ARHGAP15: variants seen among roughly 807,000 people sequenced by gnomAD.
ARHGAP15 encodes Rho GTPase activating protein 15.
ARHGAP15 carries 51 observed loss-of-function variants against 63.7 expected under a neutral mutation model. That is an observed-to-expected ratio of 0.80 (90% CI 0.64 to 1.01). The LOEUF (loss-of-function observed/expected upper bound fraction) is 1.01. ARHGAP15 is among the 50% of genes least tolerant of loss of function. The pLI is 0.00. For missense variants in ARHGAP15, 560 were observed against 564.6 expected (o/e 0.99, Z 0.08); for synonymous variants, 191 against 193.8 (o/e 0.99, Z 0.12).
intron 12 of ARHGAP15, among the ~76,000 whole-genome samples, chr2:143,636,490 G>C (rs866890657): frequency 6.6e-6 from 1 of 152,104 alleles, no homozygotes; most frequent in Non-Finnish European, 1.5e-5. Context: ...CTGTAAGCTT[G>C]GATTTGTGAT....
chr2:143,287,898 G>A (rs951491976), intron 6 of ARHGAP15, among the ~76,000 whole-genome samples: 1 of 152,170 alleles, frequency 6.6e-6, no homozygotes, highest in Non-Finnish European at 1.5e-5. Flanking sequence ...ACCCCTGCAG[G>A]CTATGCCTTT....
chr2:143,316,710 T>C (rs143553199), intron 6 of ARHGAP15, among the ~76,000 whole-genome samples: 181 of 151,260 alleles, frequency 1.2e-3, no homozygotes, highest in African/African-American at 4.2e-3. Flanking sequence ...CTCTGATCAA[T>C]TCTGTCTCCA....
At chr2:143,190,588 T>G (rs1019486978) in intron 2 of ARHGAP15, among the ~76,000 whole-genome samples, 2 of 152,158 alleles carry the variant, frequency 1.3e-5, no homozygotes, top group Non-Finnish European at 2.9e-5. Flanking sequence ...AGAAGCTTCC[T>G]TGTTTAATTT....
In ARHGAP15 at chr2:143,624,380, G is replaced by A. The variant is rs929956028; in HGVS notation, c.1138+113G>A. ...ATCATGGGGAACAGATAGTATCCCC[G>A]ATGCTCCATATCTTACGTTTTCGTT... On this transcript the variant is annotated intron_variant, in intron 12 of 13. Coordinates refer to ENST00000295095, the MANE Select transcript of ARHGAP15 (RefSeq NM_018460.4). The A allele has an allele frequency of 1.0e-5, 12 of 1,205,936 alleles. No individual in the cohort carries two copies. In the African/African-American group the frequency reaches 1.5e-4, roughly 15 times the overall value. The allele number at this position is 1,205,936 out of a possible 1,614,324, so 74.7% of individuals were successfully genotyped here. A position where few individuals can be genotyped will look rare whatever the true frequency, so the allele number is the denominator to read the frequency against.
At chr2:143,653,825 G>A (rs562752113) in intron 12 of ARHGAP15, among the ~76,000 whole-genome samples, 1 of 152,202 alleles carries the variant, frequency 6.6e-6, no homozygotes, top group East Asian at 1.9e-4. Context: ...ACAGTACCTG[G>A]CATATAATAG....
At chr2:143,211,718 C>G (rs962515000) in intron 3 of ARHGAP15, among the ~76,000 whole-genome samples, 1 of 152,012 alleles carries the variant, frequency 6.6e-6, no homozygotes, top group African/African-American at 2.4e-5. Context: ...ATTGTGGATC[C>G]AGAAAACTCA....
At chr2:143,434,289 A>G (rs1370322122) in intron 6 of ARHGAP15, among the ~76,000 whole-genome samples, 3 of 152,084 alleles carry the variant, frequency 2.0e-5, no homozygotes. Context: ...TGATATTGGA[A>G]CCCATCTCAA....
chr2:143,277,317 C>T (rs1241160694), intron 6 of ARHGAP15, among the ~76,000 whole-genome samples: 2 of 151,562 alleles, frequency 1.3e-5, no homozygotes, highest in Non-Finnish European at 2.9e-5. Flanking sequence ...TTTAGTGTAA[C>T]TGGCAGACAT....
At chr2:143,596,871 T>A (rs890789773) in intron 11 of ARHGAP15, among the ~76,000 whole-genome samples, 1 of 152,164 alleles carries the variant, frequency 6.6e-6, no homozygotes, top group African/African-American at 2.4e-5. Context: ...TAAGTGTTTT[T>A]AATTATTTTA....
intron 6 of ARHGAP15, among the ~76,000 whole-genome samples, chr2:143,336,117 C>T (rs1684760769): frequency 6.6e-6 from 1 of 152,180 alleles, no homozygotes; most frequent in Non-Finnish European, 1.5e-5. Flanking sequence ...CCTCCTGCCT[C>T]AGTATCCCAA....
chr2:143,668,018 A>T (rs1469849756), intron 12 of ARHGAP15, among the ~76,000 whole-genome samples: 2 of 151,950 alleles, frequency 1.3e-5, no homozygotes, highest in African/African-American at 2.4e-5. Flanking sequence ...TATATTTTTT[A>T]AAAATACATA....
At chr2:143,369,413 A>C (rs1686444728) in intron 6 of ARHGAP15, among the ~76,000 whole-genome samples, 1 of 152,126 alleles carries the variant, frequency 6.6e-6, no homozygotes, top group South Asian at 2.1e-4. Context: ...GCTTTTTCTT[A>C]CAAGGACCAA....
intron 13 of ARHGAP15, among the ~76,000 whole-genome samples, chr2:143,765,502 C>T (rs1321152914): frequency 6.6e-6 from 1 of 152,026 alleles, no homozygotes; most frequent in African/African-American, 2.4e-5. Context: ...GTAGCCATGC[C>T]AACAGTGCTC....
chr2:143,581,386 C>T (rs1283495746), intron 11 of ARHGAP15, among the ~76,000 whole-genome samples: 1 of 152,070 alleles, frequency 6.6e-6, no homozygotes, highest in Non-Finnish European at 1.5e-5. Flanking sequence ...CCCACAGCCC[C>T]ATAGCCCCAC....
intron 3 of ARHGAP15, among the ~76,000 whole-genome samples, chr2:143,212,417 G>C (rs1692597029): frequency 1.3e-5 from 2 of 152,164 alleles, no homozygotes; most frequent in African/African-American, 4.8e-5. Flanking sequence ...ATGTTAAATA[G>C]GGCTTCTAAG....
chr2:143,182,607 C>T (rs559121909), intron 2 of ARHGAP15, among the ~76,000 whole-genome samples: 6 of 152,182 alleles, frequency 3.9e-5, no homozygotes, highest in East Asian at 3.9e-4. Context: ...CCCTTGCTGC[C>T]GTTCACCAGC....
chr2:143,559,188 G>A (rs1266911308), intron 11 of ARHGAP15, among the ~76,000 whole-genome samples: 1 of 152,070 alleles, frequency 6.6e-6, no homozygotes, highest in African/African-American at 2.4e-5. Flanking sequence ...TCTCAAAACA[G>A]AAGCCATGCT....
At chr2:143,482,405 T>C (rs1295858474) in intron 8 of ARHGAP15, among the ~76,000 whole-genome samples, 1 of 152,244 alleles carries the variant, frequency 6.6e-6, no homozygotes, top group African/African-American at 2.4e-5. Context: ...ACACTGTGTA[T>C]TTTCCAGTAA....
At chr2:143,722,352 C>G (rs189570327) in intron 13 of ARHGAP15, among the ~76,000 whole-genome samples, 1 of 151,934 alleles carries the variant, frequency 6.6e-6, no homozygotes, top group African/African-American at 2.4e-5. Context: ...TAAAAAATGC[C>G]GTTACTTGCC....
Sources: gnomAD v4.1 joint callset for allele counts (sites outside exome capture counted in the v4.1 genomes callset) on GRCh38, gnomAD v4.1.1 for gene constraint, MANE v1.5 for transcripts, NCBI Gene and HGNC (gene_info 2026-07-23, HGNC 2026-07-21) for gene names.